Variants in ERG observed in about 807,000 individuals in gnomAD.
ERG encodes ETS transcription factor ERG, also known as transcriptional regulator ERG.
Under a neutral mutation model 55.3 loss-of-function variants are expected in ERG, and 9 were observed. That is an observed-to-expected ratio of 0.16 (90% CI 0.10 to 0.28). The LOEUF (loss-of-function observed/expected upper bound fraction) is 0.28, where lower values mean the gene tolerates loss of function less well. ERG is among the 10% of genes least tolerant of loss of function. The pLI is 1.00. For synonymous variants in ERG, 223 were observed against 237.3 expected (o/e 0.94, Z 0.55); for missense variants, 434 against 631.6 (o/e 0.69, Z 3.35).
chr21:38,447,986 A>G (rs977187117), intron 1 of ERG, among the ~76,000 whole-genome samples: 2 of 146,238 alleles, frequency 1.4e-5, no homozygotes, highest in African/African-American at 5.0e-5. Context: ...ACAATAACAA[A>G]CAAGCAATAA....
intron 6 of ERG, among the ~76,000 whole-genome samples, chr21:38,399,360 C>T (rs1988377269): frequency 6.6e-6 from 1 of 152,320 alleles, no homozygotes; most frequent in Admixed American, 6.5e-5. Context: ...CTTTAGCTCC[C>T]TGGGCCCCCA....
At chr21:38,374,594 T>C in the ERG span, among the ~76,000 whole-genome samples, 1 of 152,194 alleles carries the variant, frequency 6.6e-6, no homozygotes, top group African/African-American at 2.4e-5. Context: ...ACCGAAGTTA[T>C]GCAAACTCTC....
chr21:38,642,935 T>C (rs1356618277), intron 1 of ERG, among the ~76,000 whole-genome samples: 1 of 152,262 alleles, frequency 6.6e-6, no homozygotes, highest in Non-Finnish European at 1.5e-5. Flanking sequence ...GGGCACACCC[T>C]GTGCCTTCGC....
intron 1 of ERG, among the ~76,000 whole-genome samples, chr21:38,582,979 C>G (rs1384669870): frequency 6.6e-6 from 1 of 152,166 alleles, no homozygotes; most frequent in African/African-American, 2.4e-5. Flanking sequence ...TTCATAAGAG[C>G]CCTTTGTCAA....
At position 38,393,819 on chromosome 21, in the gene ERG, T is replaced by C. The variant is rs1026356601; in HGVS notation, c.746-1375A>G. ...CTATGAAATCCTACCCTTCAGAGCTTTGGAGAATTAGATAATTTTTCTTTT... is the reference window on the plus strand; with the variant it reads ...CTATGAAATCCTACCCTTCAGAGCTCTGGAGAATTAGATAATTTTTCTTTT... On this transcript the variant is annotated intron_variant, in intron 6 of 9. Transcript: ENST00000288319. Among the ~76,000 whole-genome samples the C allele has an allele frequency of 1.3e-4, 20 of 152,342 alleles. 1 individual carries two copies. In the South Asian group the frequency reaches 2.7e-3, roughly 21 times the overall value.
chr21:38,443,495 G>T (rs1044609330), intron 2 of ERG, among the ~76,000 whole-genome samples: 2 of 152,106 alleles, frequency 1.3e-5, no homozygotes, highest in Admixed American at 6.5e-5. Flanking sequence ...ACCCAAAACA[G>T]AATTCATTCA....
chr21:38,633,997 C>G (rs1322930435), intron 1 of ERG, among the ~76,000 whole-genome samples: 3 of 151,990 alleles, frequency 2.0e-5, no homozygotes, highest in Non-Finnish European at 4.4e-5. Context: ...TTTCCTAGGG[C>G]CTGTTCTGTA....
chr21:38,400,677 G>A (rs781459994), intron 5 of ERG, 32 bp from the exon 6 acceptor site: 1 of 1,542,626 alleles, frequency 6.5e-7, no homozygotes, highest in Non-Finnish European at 8.9e-7. Context: ...AACATGTGAA[G>A]GTCTTTTGTT....
intron 2 of ERG, among the ~76,000 whole-genome samples, chr21:38,512,506 T>C (rs558960687): frequency 6.6e-6 from 1 of 152,342 alleles, no homozygotes; most frequent in African/African-American, 2.4e-5. Context: ...AAATACACTG[T>C]ACGTCTTTCA....
Position 38,639,050 on chromosome 21 carries a change from C to T in ERG, c.-150+22608G>A, listed in dbSNP as rs189119945. 3.3e-5 allele frequency among the ~76,000 whole-genome samples: 5 copies of T among 152,272 alleles called. No homozygotes were observed. In the East Asian group the frequency reaches 7.7e-4, roughly 24 times the overall value. ...TAACAACCCCACCCTCATTCCACCA[C>T]CCTTTCCACAGCTGACAACAGCAGT... On this transcript the variant is annotated intron_variant, in intron 1 of 10. Coordinates refer to the ERG transcript ENST00000398910.
At chr21:38,375,308 G>A (rs567497974), downstream of ERG, among the ~76,000 whole-genome samples, 14 of 152,320 alleles carry the variant, frequency 9.2e-5, 1 homozygote, top group Middle Eastern at 3.4e-3. Flanking sequence ...TGTTATGAGA[G>A]TCAGGCTCCT....
intron 2 of ERG, among the ~76,000 whole-genome samples, chr21:38,516,139 C>A (rs1190481128): frequency 6.6e-6 from 1 of 151,986 alleles, no homozygotes; most frequent in Non-Finnish European, 1.5e-5. Context: ...CCAGAGCAAT[C>A]AGGCAAGAGA....
At chr21:38,540,367 C>T (rs2059743850) in intron 2 of ERG, among the ~76,000 whole-genome samples, 1 of 152,180 alleles carries the variant, frequency 6.6e-6, no homozygotes, top group Non-Finnish European at 1.5e-5. Context: ...AAACCACGTG[C>T]TCAGAAGGCA....
At chr21:38,530,217 G>A (rs1251310252) in intron 2 of ERG, among the ~76,000 whole-genome samples, 1 of 151,832 alleles carries the variant, frequency 6.6e-6, no homozygotes, top group African/African-American at 2.4e-5. Flanking sequence ...ACACCACCAT[G>A]CCCAGCTAAT....
intron 2 of ERG, among the ~76,000 whole-genome samples, chr21:38,519,185 A>G (rs1352059704): frequency 6.6e-6 from 1 of 152,216 alleles, no homozygotes; most frequent in Non-Finnish European, 1.5e-5. Flanking sequence ...AGTTTAAAAA[A>G]CATCCTTATT....
chr21:38,580,866 CTGGTGCAAGAAAATAGA>C (rs140243953), intron 1 of ERG, among the ~76,000 whole-genome samples: 4,149 of 152,246 alleles, frequency 0.027, 181 homozygotes, highest in African/African-American at 0.095. Context: ...ATTTGCAGGG[CTGGTGCAAGAAAATAGA>C]TGGAAGTTTG....
intron 3 of ERG, among the ~76,000 whole-genome samples, chr21:38,420,672 T>G (rs1270664483): frequency 6.6e-6 from 1 of 152,236 alleles, no homozygotes; most frequent in Non-Finnish European, 1.5e-5. Context: ...TCTCTTATTT[T>G]CTAAATACTT....
intron 1 of ERG, among the ~76,000 whole-genome samples, chr21:38,580,138 T>C (rs1433328849): frequency 3.3e-5 from 5 of 151,760 alleles, no homozygotes; most frequent in Non-Finnish European, 7.4e-5. Context: ...GTATTTTTAG[T>C]AGAGACGGGG....
intron 6 of ERG, among the ~76,000 whole-genome samples, chr21:38,397,578 C>G (rs1988284771): frequency 9.6e-6 from 1 of 104,458 alleles, no homozygotes. Flanking sequence ...AGCCTGGCAA[C>G]AGAGTGAGAC....
Sources: gnomAD v4.1 joint callset for allele counts (sites outside exome capture counted in the v4.1 genomes callset) on GRCh38, gnomAD v4.1.1 for gene constraint, MANE v1.5 for transcripts, NCBI Gene and HGNC (gene_info 2026-07-23, HGNC 2026-07-21) for gene names.